C9: variants seen among roughly 807,000 people sequenced by gnomAD.
C9 encodes the protein complement C9.
C9 carries 63 observed loss-of-function variants against 65.4 expected under a neutral mutation model. The ratio of observed to expected loss-of-function variants is 0.96; its 90% CI spans 0.79 to 1.19. The LOEUF is 1.19. C9 is among the 50% of genes most tolerant of loss of function. The pLI is 0.00. For missense variants in C9, 744 were observed against 670.1 expected, an observed-to-expected ratio of 1.11 and a Z score of -1.22; for synonymous variants, 229 against 227.9, an observed-to-expected ratio of 1.00 and a Z score of -0.04.
At chr5:39,347,636 C>A (rs1423837276) in intron 1 of C9, among the ~76,000 whole-genome samples, 1 of 152,126 alleles carries the variant, frequency 6.6e-6, no homozygotes, top group Non-Finnish European at 1.5e-5. Context: ...TATCAAGCTA[C>A]CAATGACTTT....
intron 9 of C9, among the ~76,000 whole-genome samples, chr5:39,292,448 G>A (rs1753114167): frequency 6.6e-6 from 1 of 151,384 alleles, no homozygotes; most frequent in Non-Finnish European, 1.5e-5. Flanking sequence ...AGCCAAGAGA[G>A]TTTGATACTA....
At chr5:39,323,323 A>G (rs1753694963) in intron 5 of C9, among the ~76,000 whole-genome samples, 1 of 151,958 alleles carries the variant, frequency 6.6e-6, no homozygotes, top group Non-Finnish European at 1.5e-5. Flanking sequence ...TTATAAGACC[A>G]GCATTACCCT....
At chr5:39,287,422 A>G (rs533803090) in intron 10 of C9, among the ~76,000 whole-genome samples, 1 of 152,104 alleles carries the variant, frequency 6.6e-6, no homozygotes, top group East Asian at 1.9e-4. Flanking sequence ...CTACCACTCA[A>G]CAGTCCCACT....
chr5:39,342,059 G>A (rs1178832051), intron 2 of C9, 32 bp downstream of exon 2: 2 of 1,161,878 alleles, frequency 1.7e-6, no homozygotes, highest in Non-Finnish European at 2.6e-6. Context: ...TCCATTTGGG[G>A]AGGTCAGTGG....
chr5:39,359,295 T>C (rs941246791), intron 1 of C9, among the ~76,000 whole-genome samples: 3 of 151,412 alleles, frequency 2.0e-5, no homozygotes, highest in East Asian at 3.9e-4. Flanking sequence ...ATGTTTGGGA[T>C]GCCTACTAGA....
intron 1 of C9, among the ~76,000 whole-genome samples, chr5:39,344,301 A>G (rs1310794019): frequency 6.6e-6 from 1 of 152,228 alleles, no homozygotes; most frequent in Non-Finnish European, 1.5e-5. Context: ...GGCTAACTAG[A>G]ATAACCACTG....
chr5:39,334,698 C>T (rs563176426), intron 4 of C9, among the ~76,000 whole-genome samples: 12 of 138,564 alleles, frequency 8.7e-5, no homozygotes, highest in East Asian at 2.2e-4. Flanking sequence ...GGAGGTGGGG[C>T]GGTCAGCCCC....
At chr5:39,302,443 G>T (rs967039044) in intron 9 of C9, among the ~76,000 whole-genome samples, 2 of 152,094 alleles carry the variant, frequency 1.3e-5, no homozygotes, top group African/African-American at 2.4e-5. Flanking sequence ...TATACCAACT[G>T]TAGTTTGTTG....
At chr5:39,325,555 A>C (rs912055202) in intron 5 of C9, among the ~76,000 whole-genome samples, 6 of 152,108 alleles carry the variant, frequency 3.9e-5, no homozygotes, top group Non-Finnish European at 5.9e-5. Flanking sequence ...CAGGCGGATC[A>C]TGATGTCAGG....
In C9 at chr5:39,315,778, C is replaced by T. The variant is rs368138699; in HGVS notation, c.867G>A (p.Lys289=). Residue 289 remains lysine, a synonymous_variant, in exon 6 of 11, where the codon AAG becomes AAA. Coordinates refer to ENST00000263408, the MANE Select transcript of C9 (RefSeq NM_001737.5). ...TATATTAACTGTTTTGTCTTACCTT[C>T]TTTGAAGAATATGACAAAAATAGTT... ...TYQLFLSYSS[K]KEKMFLHVKG... The T allele has an allele frequency of 4.4e-6, 7 of 1,595,730 alleles. No individual in the cohort carries two copies. Among genetic ancestry groups the T allele is most frequent in the Non-Finnish European group, 5.2e-6 (6 of 1,164,174 alleles).
chr5:39,341,055 G>A (rs542754587), intron 4 of C9, 91 bp downstream of exon 4: 31 of 1,404,410 alleles, frequency 2.2e-5, no homozygotes, highest in African/African-American at 9.9e-5. Flanking sequence ...TATGTCCCTC[G>A]CACAAATGCT....
chr5:39,287,804 T>C (rs575551), intron 10 of C9, among the ~76,000 whole-genome samples: 55,242 of 151,496 alleles, frequency 0.36, 11,372 homozygotes, highest in East Asian at 0.56. Flanking sequence ...AAGGAAATAA[T>C]AGACAGTGGG....
chr5:39,290,411 C>A (rs559766098), intron 9 of C9, among the ~76,000 whole-genome samples: 24 of 151,460 alleles, frequency 1.6e-4, no homozygotes, highest in African/African-American at 5.8e-4. Context: ...AAACAAGAGA[C>A]CACAAAACTT....
intron 1 of C9, among the ~76,000 whole-genome samples, chr5:39,361,753 G>A (rs700228): frequency 0.043 from 6,613 of 152,152 alleles, 322 homozygotes; most frequent in African/African-American, 0.12. Flanking sequence ...AAGAGATGAT[G>A]TCCCCCTCAT....
At chr5:39,348,853 G>T (rs1357651331) in intron 1 of C9, among the ~76,000 whole-genome samples, 4 of 152,144 alleles carry the variant, frequency 2.6e-5, no homozygotes, top group Non-Finnish European at 5.9e-5. Context: ...AAAAAAGGAT[G>T]AGTTCATGTC....
intron 1 of C9, among the ~76,000 whole-genome samples, chr5:39,359,557 AT>A (rs910437073): frequency 3.7e-4 from 56 of 151,486 alleles, no homozygotes; most frequent in Middle Eastern, 3.4e-3. Flanking sequence ...GAAATGTGCC[AT>A]TTTTTTTTAA....
intron 5 of C9, among the ~76,000 whole-genome samples, chr5:39,318,840 G>A (rs1050325228): frequency 3.3e-5 from 5 of 152,138 alleles, no homozygotes; most frequent in African/African-American, 9.7e-5. Flanking sequence ...GCATAACAGG[G>A]AAAAGCAAAC....
intron 10 of C9, 26 bp downstream of exon 10, chr5:39,288,697 A>G: frequency 2.2e-6 from 3 of 1,334,052 alleles, no homozygotes; most frequent in Non-Finnish European, 3.2e-6. Flanking sequence ...TTTTGTCTTT[A>G]ATCACATCAA....
chr5:39,309,316 G>A (rs1011721771), intron 7 of C9, among the ~76,000 whole-genome samples: 1 of 151,760 alleles, frequency 6.6e-6, no homozygotes, highest in Non-Finnish European at 1.5e-5. Context: ...ATTTGTTCTG[G>A]GAGTCAAAAT....
Sources: gnomAD v4.1 joint callset for allele counts (sites outside exome capture counted in the v4.1 genomes callset) on GRCh38, gnomAD v4.1.1 for gene constraint, MANE v1.5 for transcripts, NCBI Gene and HGNC (gene_info 2026-07-23, HGNC 2026-07-21) for gene names.